RBM20: variants seen among roughly 807,000 people sequenced by gnomAD.
The protein encoded by RBM20 is RNA binding motif protein 20.
A neutral mutation model predicts 110.1 loss-of-function variants in RBM20; 51 were observed. The ratio of observed to expected loss-of-function variants is 0.46; its 90% confidence interval spans 0.37 to 0.59. The LOEUF is 0.59. RBM20 is among the 20% of genes least tolerant of loss of function. The probability of loss-of-function intolerance (pLI) is 0.00; values close to 1 mark genes in which losing one functional copy is unlikely to be tolerated. For missense variants in RBM20, 1,512 were observed against 1,574.9 expected, an observed-to-expected ratio of 0.96 and a Z score of 0.68; for synonymous variants, 589 against 618.2, an observed-to-expected ratio of 0.95 and a Z score of 0.70.
chr10:110,759,779 G>T (rs1843971512), intron 1 of RBM20, among the ~76,000 whole-genome samples: 1 of 152,192 alleles, frequency 6.6e-6, no homozygotes, highest in South Asian at 2.1e-4. Context: ...GACTAGCCTG[G>T]ATTTGTCATT....
intron 1 of RBM20, among the ~76,000 whole-genome samples, chr10:110,656,208 A>G (rs554257079): frequency 1.3e-5 from 2 of 152,294 alleles, no homozygotes; most frequent in African/African-American, 2.4e-5. Flanking sequence ...AGGCTGAGGC[A>G]GGAGAATCGT....
At chr10:110,717,707 G>T (rs1391680048) in intron 1 of RBM20, among the ~76,000 whole-genome samples, 1 of 152,208 alleles carries the variant, frequency 6.6e-6, no homozygotes, top group Admixed American at 6.5e-5. Context: ...GCCTGCCACA[G>T]TTTCCCATCC....
chr10:110,833,860 A>G (rs1845090018), intron 13 of RBM20, among the ~76,000 whole-genome samples: 1 of 152,186 alleles, frequency 6.6e-6, no homozygotes, highest in Admixed American at 6.5e-5. Context: ...CAGGCTTCCC[A>G]GATAGGATTT....
At chr10:110,713,315 C>G (rs1862967324) in intron 1 of RBM20, among the ~76,000 whole-genome samples, 1 of 152,214 alleles carries the variant, frequency 6.6e-6, no homozygotes, top group Non-Finnish European at 1.5e-5. Context: ...CTAGGCTTAG[C>G]TAGTATTATA....
At chr10:110,674,172 C>T (rs1468897302) in intron 1 of RBM20, among the ~76,000 whole-genome samples, 4 of 152,086 alleles carry the variant, frequency 2.6e-5, no homozygotes, top group Non-Finnish European at 5.9e-5. Context: ...GCTACTCAGT[C>T]TGCAAACATA....
At chr10:110,804,771 A>G (rs1174389869) in intron 7 of RBM20, among the ~76,000 whole-genome samples, 1 of 152,216 alleles carries the variant, frequency 6.6e-6, no homozygotes. Flanking sequence ...TAAGTATGGA[A>G]TCATAATCTC....
chr10:110,657,351 G>A (rs1862040789), intron 1 of RBM20, among the ~76,000 whole-genome samples: 1 of 151,652 alleles, frequency 6.6e-6, no homozygotes, highest in Non-Finnish European at 1.5e-5. Flanking sequence ...CCTAGTGGGT[G>A]TATGAAGTAC....
At chr10:110,678,006 G>A (rs1862364508) in intron 1 of RBM20, among the ~76,000 whole-genome samples, 1 of 152,190 alleles carries the variant, frequency 6.6e-6, no homozygotes, top group Non-Finnish European at 1.5e-5. Flanking sequence ...TGTCTTAGGT[G>A]CTGAGTGATG....
chr10:110,810,720 T>C (rs1380642864), intron 8 of RBM20, among the ~76,000 whole-genome samples: 1 of 152,088 alleles, frequency 6.6e-6, no homozygotes, highest in Non-Finnish European at 1.5e-5. Flanking sequence ...TGGAAAATAA[T>C]ATAGGAAAAG....
At position 110,783,349 on chromosome 10, in the gene RBM20, C is replaced by T. The variant is rs776106884; in HGVS notation, c.1276-17C>T. 6.5e-6 allele frequency: 10 copies of T among 1,548,224 alleles called. No individual in the cohort carries two copies. The African/African-American group carries it at 1.2e-4, about 19-fold the overall frequency. On this transcript the variant is annotated splice_polypyrimidine_tract_variant and intron_variant, in intron 2 of 13. Transcript: ENST00000369519. Reference sequence around the variant, plus strand: ...ACTCAGTTCTACTTTGGTCACTTTTCTTTCCTTCTGACCTAGGACTGGGAG... The same window carrying T: ...ACTCAGTTCTACTTTGGTCACTTTTTTTTCCTTCTGACCTAGGACTGGGAG...
chr10:110,703,609 ATG>A (rs1316039107), intron 1 of RBM20, among the ~76,000 whole-genome samples: 1 of 152,160 alleles, frequency 6.6e-6, no homozygotes, highest in Non-Finnish European at 1.5e-5. Flanking sequence ...ACTCCTTTGT[ATG>A]TGTGTATATA....
chr10:110,838,321 G>A lies in RBM20; in HGVS notation c.*2343G>A, dbSNP rs1845159081. 1 of 152,188 alleles carries A rather than the reference G, an allele frequency of 6.6e-6. No homozygotes were observed. The highest frequency in any genetic ancestry group is 6.5e-5 in the Admixed American group (1 of 15,286). The allele number at this position is 152,188 out of a possible 1,614,324, so 9.4% of individuals were successfully genotyped here. A position where few individuals can be genotyped will look rare whatever the true frequency, so the allele number is the denominator to read the frequency against. On this transcript the variant is annotated 3_prime_UTR_variant, in exon 14 of 14. Coordinates refer to ENST00000369519, the MANE Select transcript of RBM20 (RefSeq NM_001134363.3). ...TTGAGAAGACCATATGGGGGCTGCT[G>A]AAAAGTTGGTATCTCAAATAAAGTC...
rs1268330519 is a variant in RBM20 at position 110,821,861 on chromosome 10, C to G, written c.3242C>G (p.Pro1081Arg). ...TPEDGACEGSPLEEKASPPIE... is the reference protein window; with the variant it reads ...TPEDGACEGSRLEEKASPPIE... ...GAAGATGGGGCTTGTGAAGGCAGCC[C>G]CCTGGAGGAGAAAGCCAGCCCCCCC... Residue 1081 changes from proline (P) to arginine (R), a missense_variant, in exon 11 of 14, where the codon CCC becomes CGC. Physicochemically the swap from Pro to Arg is moderately radical, Grantham distance 103 (BLOSUM62 -2). This residue lies in a region of RBM20 where 358 missense variants were observed against 384.2 expected (regional missense o/e 0.93). Coordinates refer to ENST00000369519, the MANE Select transcript of RBM20 (RefSeq NM_001134363.3). 4 of 1,551,702 alleles carry G rather than the reference C, an allele frequency of 2.6e-6. No individual in the cohort carries two copies. Among genetic ancestry groups the G allele is most frequent in the Non-Finnish European group, 2.6e-6 (3 of 1,146,998 alleles).
intron 1 of RBM20, among the ~76,000 whole-genome samples, chr10:110,687,421 G>A (rs76827322): frequency 0.029 from 4,386 of 152,196 alleles, 193 homozygotes; most frequent in African/African-American, 0.096. Context: ...ATGATTTTAC[G>A]CATTATTAGA....
intron 1 of RBM20, among the ~76,000 whole-genome samples, chr10:110,715,832 C>T (rs1863007199): frequency 6.6e-6 from 1 of 152,180 alleles, no homozygotes; most frequent in Non-Finnish European, 1.5e-5. Flanking sequence ...GGTCTCACCC[C>T]AGCCTGGAGA....
chr10:110,687,122 A>G (rs1045835551), intron 1 of RBM20, among the ~76,000 whole-genome samples: 2 of 152,190 alleles, frequency 1.3e-5, no homozygotes, highest in African/African-American at 2.4e-5. Context: ...TCAGCTGCCT[A>G]TGGCAAGATT....
intron 1 of RBM20, among the ~76,000 whole-genome samples, chr10:110,743,867 C>T (rs1193233090): frequency 6.6e-6 from 1 of 152,222 alleles, no homozygotes; most frequent in Non-Finnish European, 1.5e-5. Flanking sequence ...CCGACTACCT[C>T]AGCTTCCCAG....
At chr10:110,742,466 TG>T (rs1459189413) in intron 1 of RBM20, among the ~76,000 whole-genome samples, 3 of 152,192 alleles carry the variant, frequency 2.0e-5, no homozygotes, top group African/African-American at 7.2e-5. Flanking sequence ...CTTAGCAACA[TG>T]GACCCCTGGA....
chr10:110,832,410 C>A (rs1172924347), intron 13 of RBM20, among the ~76,000 whole-genome samples: 2 of 152,132 alleles, frequency 1.3e-5, no homozygotes, highest in Non-Finnish European at 2.9e-5. Flanking sequence ...TCAGACTCAT[C>A]TGGACAGTAT....
Sources: gnomAD v4.1 joint callset for allele counts (sites outside exome capture counted in the v4.1 genomes callset) on GRCh38, gnomAD v4.1.1 for gene constraint, gnomAD v4.1.1 regional missense constraint, MANE v1.5 for transcripts, NCBI Gene and HGNC (gene_info 2026-07-23, HGNC 2026-07-21) for gene names.